The following BRCA1 variants were observed in gnomAD, a reference collection of about 807,000 sequenced individuals.
The protein encoded by BRCA1 is breast cancer type 1 susceptibility protein.
Under a neutral mutation model 173.7 loss-of-function variants are expected in BRCA1, and 140 were observed. That is an observed-to-expected ratio of 0.81 (90% CI 0.70 to 0.93). The LOEUF (loss-of-function observed/expected upper bound fraction) is 0.93. Ranked by LOEUF, BRCA1 falls within the 40% of genes least tolerant of loss-of-function variation. The pLI, the probability that BRCA1 is intolerant of heterozygous loss-of-function variation, is 0.00. For missense variants in BRCA1, 1,983 were observed against 2,172.5 expected (o/e 0.91, Z 1.73); for synonymous variants, 662 against 756.0 (o/e 0.88, Z 2.04).
At chr17:43,106,665 T>C in intron 3 of BRCA1, 132 bp from the exon 4 acceptor site, 1 of 675,230 alleles carries the variant, frequency 1.5e-6, no homozygotes, top group South Asian at 1.8e-5. Context: ...TAATGGCAGG[T>C]GAATTACAAG....
chr17:43,127,554 C>T (rs1229066465), upstream of BRCA1, among the ~76,000 whole-genome samples: 1 of 152,178 alleles, frequency 6.6e-6, no homozygotes, highest in Non-Finnish European at 1.5e-5. Context: ...GTAGTGGGGA[C>T]TTGGAGAATT....
chr17:43,135,813 T>G (rs2056016377), intron 1 of BRCA1, among the ~76,000 whole-genome samples: 1 of 152,202 alleles, frequency 6.6e-6, no homozygotes, highest in South Asian at 2.1e-4. Flanking sequence ...GAGCCAGAGC[T>G]GGGCGAGAGG....
intron 15 of BRCA1, among the ~76,000 whole-genome samples, chr17:43,070,060 A>G (rs1311930865): frequency 1.3e-5 from 2 of 152,036 alleles, no homozygotes; most frequent in Non-Finnish European, 2.9e-5. Context: ...CAGCCTCCTG[A>G]GTAGCTGGGA....
rs1323998441 is a variant in BRCA1 at position 43,093,811 on chromosome 17, G to A, written c.1720C>T (p.Leu574Phe). Reference protein sequence around the residue: ...NEKNPNPIESLEKESAFKTKA... With the variant: ...NEKNPNPIESFEKESAFKTKA... ...GTTTTGAAAGCAGATTCTTTTTCGAGTGATTCTATTGGGTTAGGATTTTTC... is the reference window on the plus strand; with the variant it reads ...GTTTTGAAAGCAGATTCTTTTTCGAATGATTCTATTGGGTTAGGATTTTTC... The change falls in exon 10 of 23, where the codon CTC becomes TTC. Residue 574 changes from leucine to phenylalanine, a missense_variant. By Grantham distance (22) the Leu-to-Phe change is conservative. Coordinates refer to ENST00000357654, the MANE Select transcript of BRCA1 (RefSeq NM_007294.4). 1.2e-6 allele frequency: 2 copies of A among 1,613,382 alleles called. No individual in the cohort carries two copies. Among genetic ancestry groups the A allele is most frequent in the South Asian group, 1.1e-5 (1 of 90,966 alleles).
At chr17:43,051,865 G>A (rs1008342976) in intron 19 of BRCA1, among the ~76,000 whole-genome samples, 8 of 152,124 alleles carry the variant, frequency 5.3e-5, no homozygotes, top group Non-Finnish European at 5.9e-5. Flanking sequence ...TCGAACTCCT[G>A]ACCTCGTGAT....
intron 18 of BRCA1, among the ~76,000 whole-genome samples, chr17:43,057,723 C>T (rs1476308642): frequency 1.3e-5 from 2 of 151,424 alleles, no homozygotes; most frequent in Non-Finnish European, 2.9e-5. Flanking sequence ...GTAGTCCCAG[C>T]TACTCGGGAG....
At chr17:43,071,327 A>T in intron 14 of BRCA1, 89 bp from the exon 15 acceptor site, 1 of 1,469,108 alleles carries the variant, frequency 6.8e-7, no homozygotes, top group South Asian at 1.2e-5. Context: ...AAAGACCAAT[A>T]AAGTTAGGTT....
At chr17:43,121,705 A>G (rs1189666442) in intron 2 of BRCA1, among the ~76,000 whole-genome samples, 1 of 151,494 alleles carries the variant, frequency 6.6e-6, no homozygotes, top group African/African-American at 2.4e-5. Context: ...AAAAAAAAAA[A>G]AAAGAAATTA....
chr17:43,078,744 C>T (rs894150973), intron 12 of BRCA1, among the ~76,000 whole-genome samples: 1 of 152,028 alleles, frequency 6.6e-6, no homozygotes, highest in African/African-American at 2.4e-5. Context: ...CTTTTCTGGA[C>T]CTGTGAGTTT....
Position 43,097,281 on chromosome 17 carries a change from A to C in BRCA1, c.556T>G (p.Ser186Ala), listed in dbSNP as rs397509298. The C allele has an allele frequency of 6.2e-6, 10 of 1,613,516 alleles. 1 individual carries two copies. Among genetic ancestry groups the C allele is most frequent in the Non-Finnish European group, 8.5e-6 (10 of 1,179,652 alleles). The change falls in exon 8 of 23, where the codon TCT becomes GCT. Residue 186 changes from serine (S) to alanine (A), a missense_variant. Physicochemically the swap from Ser to Ala is moderately conservative, Grantham distance 99. Coordinates refer to ENST00000357654, the MANE Select transcript of BRCA1 (RefSeq NM_007294.4). ...GCCTTATTAACGGTATCTTCAGAAG[A>C]ATCAGATCCTAAAAAATTTCCCCCC... is the stretch of plus-strand genomic sequence containing the variant. ...TSVYIELGSDSSEDTVNKATY... is the reference protein window; with the variant it reads ...TSVYIELGSDASEDTVNKATY...
chr17:43,125,774 A>C (rs1392385810), upstream of BRCA1: 1 of 157,102 alleles, frequency 6.4e-6, no homozygotes, highest in Non-Finnish European at 1.4e-5. Context: ...AGTTTCGGTA[A>C]ATATAAGTAA....
chr17:43,148,736 T>G (rs528746836), intron 1 of BRCA1: 1 of 164,004 alleles, frequency 6.1e-6, no homozygotes, highest in East Asian at 1.9e-4. Flanking sequence ...GGCCTGACAT[T>G]GAGGATTCTT....
upstream of BRCA1, among the ~76,000 whole-genome samples, chr17:43,129,558 C>G (rs1195698550): frequency 6.6e-6 from 1 of 151,926 alleles, no homozygotes; most frequent in Non-Finnish European, 1.5e-5. Flanking sequence ...ACTGCGAACT[C>G]TGTCTCCCGG....
intron 3 of BRCA1, among the ~76,000 whole-genome samples, chr17:43,108,706 C>CAA (rs35561635): frequency 0.023 from 375 of 16,058 alleles, 86 homozygotes; most frequent in East Asian, 0.18. Context: ...GACTCTGTCT[C>CAA]AAAAAAAAAA....
rs1057520832 is a variant in BRCA1 at position 43,093,527 on chromosome 17, G to T, written c.2004C>A (p.Leu668=). The change falls in exon 10 of 23, where the codon CTC becomes CTA. Residue 668 remains leucine, a synonymous_variant. Coordinates refer to ENST00000357654, the MANE Select transcript of BRCA1 (RefSeq NM_007294.4). ...CAGTTGCAGGTTCTTTACCTTCCATGAGTTGTAGGTTTCTGCTGTGCCTGA... is the reference window on the plus strand; with the variant it reads ...CAGTTGCAGGTTCTTTACCTTCCATTAGTTGTAGGTTTCTGCTGTGCCTGA... ...MPVRHSRNLQ[L]MEGKEPATGA... is the part of the protein sequence containing the mutation. The T allele has an allele frequency of 6.8e-6, 11 of 1,613,898 alleles. No individual in the cohort carries two copies. The highest frequency in any genetic ancestry group is 9.3e-6 in the Non-Finnish European group (11 of 1,180,028).
rs539224787 is a variant in BRCA1, at chr17:43,120,142, C to T, written c.80+3875G>A. Among the ~76,000 whole-genome samples the T allele has an allele frequency of 2.8e-4, 42 of 152,192 alleles. No individual in the cohort carries two copies. In the East Asian group the frequency reaches 7.9e-3, roughly 29 times the overall value. ...TTTAGGTTGAAAAACAACAACCCAC[C>T]GGGGAACACATTTTAGCAAATTCTT... On this transcript the variant is annotated intron_variant, in intron 2 of 22. Coordinates refer to ENST00000357654, the MANE Select transcript of BRCA1 (RefSeq NM_007294.4).
rs145157551 is a variant in BRCA1 at position 43,120,426 on chromosome 17, C to T, written c.80+3591G>A. On this transcript the variant is annotated intron_variant, in intron 2 of 22. Transcript: ENST00000357654. ...ATATTAAAAGGAAGTGAAATATGAT[C>T]CCTATCCTAGAACTTTCCATACAAA... Among the ~76,000 whole-genome samples the T allele has an allele frequency of 3.3e-3, 496 of 152,292 alleles. 2 individuals carry two copies. Among genetic ancestry groups the T allele is most frequent in the Non-Finnish European group, 6.0e-3 (409 of 68,024 alleles).
chr17:43,097,114 C>G, intron 8 of BRCA1, 130 bp downstream of exon 8: 4 of 934,860 alleles, frequency 4.3e-6, no homozygotes, highest in Non-Finnish European at 6.6e-6. Flanking sequence ...ACCTATATAA[C>G]AAACTGCACA....
chr17:43,150,292 T>C (rs1196283160), intron 1 of BRCA1, among the ~76,000 whole-genome samples: 2 of 152,024 alleles, frequency 1.3e-5, no homozygotes. Flanking sequence ...GTATTTTTAG[T>C]AGAGACAGGG....
Sources: allele counts gnomAD v4.1 joint callset (sites outside exome capture counted in the v4.1 genomes callset), GRCh38; gene constraint gnomAD v4.1.1; transcripts MANE v1.5; gene names NCBI Gene and HGNC (gene_info 2026-07-23, HGNC 2026-07-21).